ZNF578: variants seen among roughly 807,000 people sequenced by gnomAD.
ZNF578 encodes the protein Putative chemokine-related protein B42.
In ZNF578, 8 loss-of-function variants were observed where a neutral mutation model predicts 8.3. The ratio of observed to expected loss-of-function variants is 0.96; its 90% confidence interval spans 0.56 to 1.74. ZNF578 has a LOEUF of 1.74. Among genes scored for constraint, ZNF578 ranks in the 40% most tolerant of loss-of-function variants. The pLI is 0.00. For synonymous variants in ZNF578, 206 were observed against 232.2 expected (o/e 0.89, Z 1.03); for missense variants, 726 against 707.5 (o/e 1.03, Z -0.30).
intron 1 of ZNF578, chr19:52,454,187 T>C (rs889680985): frequency 8.5e-5 from 13 of 152,256 alleles, no homozygotes; most frequent in African/African-American, 3.1e-4. Flanking sequence ...GAAAATGTGC[T>C]CTTCCAGAGG....
At chr19:52,493,380 G>A (rs1394092308) in intron 3 of ZNF578, among the ~76,000 whole-genome samples, 3 of 152,170 alleles carry the variant, frequency 2.0e-5, no homozygotes, top group Non-Finnish European at 2.9e-5. Context: ...CCCTGAACCA[G>A]CATTGGGCAG....
intron 2 of ZNF578, among the ~76,000 whole-genome samples, chr19:52,480,686 A>G (rs2059323044): frequency 6.6e-6 from 1 of 151,828 alleles, no homozygotes; most frequent in African/African-American, 2.4e-5. Flanking sequence ...TCACAAGGTC[A>G]GGAGTTCAAG....
Position 52,511,628 on chromosome 19 carries a change from G to A in ZNF578, c.1247G>A (p.Arg416His), listed in dbSNP as rs61746799. 2.6e-4 allele frequency: 426 copies of A among 1,613,136 alleles called. No individual in the cohort carries two copies. In the African/African-American group the frequency reaches 4.7e-3, roughly 18 times the overall value. ...KAFNQQSHLS[R>H]HHRLHTGEKP... ...TTTAATCAACAATCACACCTTTCAC[G>A]TCATCATAGACTTCATACTGGAGAG... The change falls in exon 6 of 6, where the codon CGT becomes CAT. Residue 416 changes from arginine (R) to histidine (H), a missense_variant. Coordinates refer to ENST00000421239, the MANE Select transcript of ZNF578 (RefSeq NM_001099694.2).
At chr19:52,505,738 G>A (rs400278) in intron 5 of ZNF578, among the ~76,000 whole-genome samples, 94,066 of 151,918 alleles carry the variant, frequency 0.62, 29,711 homozygotes, top group African/African-American at 0.74. Flanking sequence ...GTTCATTTTT[G>A]ACAAGAAAAC....
At chr19:52,484,266 G>C (rs533344423) in intron 2 of ZNF578, among the ~76,000 whole-genome samples, 8 of 152,208 alleles carry the variant, frequency 5.3e-5, no homozygotes, top group African/African-American at 1.9e-4. Flanking sequence ...TCAGTAGATG[G>C]TATATACAAT....
intron 2 of ZNF578, among the ~76,000 whole-genome samples, chr19:52,459,769 A>ATTTTTTTTTTT (rs1164629700): frequency 1.1e-4 from 2 of 17,620 alleles, no homozygotes; most frequent in Non-Finnish European, 9.9e-5. Flanking sequence ...ATATATATAT[A>ATTTTTTTTTTT]TTTTTTTTTT....
intron 2 of ZNF578, among the ~76,000 whole-genome samples, chr19:52,490,640 ATT>A (rs200893705): frequency 6.3e-5 from 9 of 143,522 alleles, no homozygotes; most frequent in African/African-American, 1.3e-4. Context: ...TTGTATTAAC[ATT>A]TTTTTTTTTT....
Position 52,516,506 on chromosome 19 carries a change from A to C in ZNF578, c.*4352A>C, listed in dbSNP as rs2059476681. 6.6e-6 allele frequency among the ~76,000 whole-genome samples: 1 copy of C among 152,200 alleles called. No homozygotes were observed. The highest frequency in any genetic ancestry group is 1.5e-5 in the Non-Finnish European group (1 of 68,032). On this transcript the variant is annotated 3_prime_UTR_variant, in exon 6 of 6. Transcript: ENST00000421239. Reference sequence around the variant, plus strand: ...TCCTTTGTGTCAGGCCTCTGAGCCCAAGCTAAGCCATCGTATCCCCTGTCA... The same window carrying C: ...TCCTTTGTGTCAGGCCTCTGAGCCCCAGCTAAGCCATCGTATCCCCTGTCA...
In ZNF578 at chr19:52,514,962, CT is replaced by C. The variant is rs35788845; in HGVS notation, c.*2826del. Among the ~76,000 whole-genome samples, 15,497 of 122,800 alleles carry C rather than the reference CT, an allele frequency of 0.13. 998 individuals are homozygous for C. The highest frequency in any genetic ancestry group is 0.2 in the African/African-American group (6,432 of 32,202). The allele number at this position is 122,800 out of a possible 152,430, so 80.6% of individuals were successfully genotyped here. A position where few individuals can be genotyped will look rare whatever the true frequency, so the allele number is the denominator to read the frequency against. On this transcript the variant is annotated 3_prime_UTR_variant, in exon 6 of 6. Coordinates refer to ENST00000421239, the MANE Select transcript of ZNF578 (RefSeq NM_001099694.2). Reference sequence around the variant, plus strand: ...AGGCATGAGCTACCACGTCGAGACTCTTTTTTTTTTTTTTTTTTAGATGGAG... The same window carrying C: ...AGGCATGAGCTACCACGTCGAGACTCTTTTTTTTTTTTTTTTTAGATGGAG...
chr19:52,466,255 C>T (rs1419236399), intron 2 of ZNF578, among the ~76,000 whole-genome samples: 2 of 152,200 alleles, frequency 1.3e-5, no homozygotes, highest in Non-Finnish European at 2.9e-5. Context: ...CAGAGAGCAG[C>T]TGTGGGGAGT....
chr19:52,487,290 C>T (rs994634683), intron 2 of ZNF578, among the ~76,000 whole-genome samples: 1 of 152,162 alleles, frequency 6.6e-6, no homozygotes, highest in African/African-American at 2.4e-5. Context: ...GATCATGCCA[C>T]TATACTGCAG....
At chr19:52,467,856 A>G (rs942845889) in intron 2 of ZNF578, among the ~76,000 whole-genome samples, 4 of 152,234 alleles carry the variant, frequency 2.6e-5, no homozygotes, top group African/African-American at 9.6e-5. Context: ...TAGAATGCCT[A>G]AAACATCTGG....
At chr19:52,495,738 C>G (rs2059383584) in intron 3 of ZNF578, among the ~76,000 whole-genome samples, 1 of 150,004 alleles carries the variant, frequency 6.7e-6, no homozygotes, top group South Asian at 2.1e-4. Context: ...TTGCCAAACT[C>G]CTGTGTCTAA....
intron 1 of ZNF578, chr19:52,455,616 G>A (rs1214734466): frequency 6.6e-6 from 1 of 152,130 alleles, no homozygotes; most frequent in Non-Finnish European, 1.5e-5. Context: ...ACTTTCTTCT[G>A]GGACATCCAA....
At position 52,512,352 on chromosome 19, in the gene ZNF578, T is replaced by C; in HGVS notation, c.*198T>C. ...GTGTAGGGAAACTTGACTAATGTAA[T>C]GATTGTCACAAAGTCTTCAGTAACG... On this transcript the variant is annotated 3_prime_UTR_variant, in exon 6 of 6. Coordinates refer to ENST00000421239, the MANE Select transcript of ZNF578 (RefSeq NM_001099694.2). The C allele has an allele frequency of 6.6e-7, 1 of 1,517,376 alleles. No individual in the cohort carries two copies. The highest frequency in any genetic ancestry group is 9.1e-7 in the Non-Finnish European group (1 of 1,093,258). The allele number at this position is 1,517,376 out of a possible 1,614,324, so 94.0% of individuals were successfully genotyped here.
intron 1 of ZNF578, chr19:52,454,096 A>G (rs1314580488): frequency 6.6e-6 from 1 of 151,774 alleles, no homozygotes; most frequent in Non-Finnish European, 1.5e-5. Context: ...CACAACCCAC[A>G]TTCCTTACCC....
chr19:52,460,459 A>G (rs2059254508), intron 2 of ZNF578, among the ~76,000 whole-genome samples: 1 of 152,194 alleles, frequency 6.6e-6, no homozygotes, highest in Admixed American at 6.5e-5. Context: ...TCTTTAGAAT[A>G]ACATCTGTTC....
Position 52,511,763 on chromosome 19 carries a change from A to T in ZNF578, c.1382A>T (p.Asp461Val). 6.2e-7 allele frequency: 1 copy of T among 1,613,200 alleles called. No individual in the cohort carries two copies. The highest frequency in any genetic ancestry group is 8.5e-7 in the Non-Finnish European group (1 of 1,179,792). Residue 461 changes from aspartate to valine, a missense_variant, in exon 6 of 6, where the codon GAC (aspartate) becomes GTC (valine). Transcript: ENST00000421239. ...AAATCTTACAAATGTGAAGAATGTG[A>T]CAGAGTTTTCAGTCAGAAATCAAAC... ...GEKSYKCEEC[D>V]RVFSQKSNLE...
intron 5 of ZNF578, among the ~76,000 whole-genome samples, chr19:52,505,848 G>A (rs970575393): frequency 6.6e-5 from 10 of 151,860 alleles, no homozygotes; most frequent in Admixed American, 6.6e-4. Context: ...CCATGGTTTA[G>A]TTCTACTGTC....
Sources: allele counts gnomAD v4.1 joint callset (sites outside exome capture counted in the v4.1 genomes callset), GRCh38; gene constraint gnomAD v4.1.1; transcripts MANE v1.5; gene names NCBI Gene and HGNC (gene_info 2026-07-23, HGNC 2026-07-21).